Variants in SCAMP4 observed in about 807,000 individuals in gnomAD.
The protein encoded by SCAMP4 is secretory carrier membrane protein 4, also known as secretory carrier-associated membrane protein 4.
SCAMP4 carries 19 observed loss-of-function variants against 32.1 expected under a neutral mutation model. The observed-to-expected ratio is 0.59, with a 90% CI of 0.41 to 0.87. The LOEUF (loss-of-function observed/expected upper bound fraction) is 0.87. Among genes scored for constraint, SCAMP4 ranks in the 40% least tolerant of loss-of-function variants. SCAMP4 has a pLI of 0.00. For synonymous variants in SCAMP4, 152 were observed against 132.7 expected, an observed-to-expected ratio of 1.15 and a Z score of -1.00; for missense variants, 302 against 309.0, an observed-to-expected ratio of 0.98 and a Z score of 0.17.
chr19:1,917,911 G>T, intron 3 of SCAMP4, 89 bp downstream of exon 3: 1 of 1,550,794 alleles, frequency 6.4e-7, no homozygotes, highest in Non-Finnish European at 8.8e-7. Context: ...AGCCCGTCGG[G>T]GGCCCACCGT....
chr19:1,921,825 A>C, intron 5 of SCAMP4: 1 of 985,214 alleles, frequency 1.0e-6, no homozygotes. Flanking sequence ...CCAGAAAAAA[A>C]AAAAGAGGAA....
Position 1,908,432 on chromosome 19 carries a change from A to G in SCAMP4, c.-42+2993A>G, listed in dbSNP as rs1432379944. ...GTGGACCAGGCAGTGCATGTCGAGG[A>G]GTAGCACCCACAGCTGCGCGGCTGC... is the stretch of plus-strand genomic sequence containing the variant. On this transcript the variant is annotated intron_variant, in intron 1 of 6. Transcript: ENST00000316097. The surrounding 1 kb of genome is among the most constrained non-coding windows in gnomAD (Gnocchi z 4.2). 2 of 466,250 alleles carry G rather than the reference A, an allele frequency of 4.3e-6. No homozygotes were observed. Among genetic ancestry groups the G allele is most frequent in the African/African-American group, 2.0e-5 (1 of 49,968 alleles). 28.9% of individuals were successfully genotyped at this position (466,250 alleles called of 1,614,324 possible). A position where few individuals can be genotyped will look rare whatever the true frequency, so the allele number is the denominator to read the frequency against.
chr19:1,912,255 C>G (rs982080035), intron 1 of SCAMP4: 1 of 1,597,036 alleles, frequency 6.3e-7, no homozygotes, highest in Non-Finnish European at 8.5e-7. Context: ...CCTGGACAAG[C>G]GCCAGACCTC....
chr19:1,923,976 T>C (rs1421134798), intron 6 of SCAMP4, 132 bp from the exon 7 acceptor site: 5 of 269,488 alleles, frequency 1.9e-5, no homozygotes, highest in African/African-American at 7.8e-5. Flanking sequence ...TTTGGACTGG[T>C]CTCGAACTCC....
intron 1 of SCAMP4, 34 bp from the exon 2 acceptor site, chr19:1,914,945 C>T (rs1312295931): frequency 6.3e-7 from 1 of 1,596,998 alleles, no homozygotes; most frequent in South Asian, 1.1e-5. Flanking sequence ...CAGGGCAGCT[C>T]AGGGTTCCCT....
chr19:1,914,930 C>T (rs754996077), intron 1 of SCAMP4, 49 bp from the exon 2 acceptor site: 1 of 1,523,752 alleles, frequency 6.6e-7, no homozygotes, highest in Non-Finnish European at 9.1e-7. Flanking sequence ...GGTTAGCGCT[C>T]TGCCCAGGGC....
intron 1 of SCAMP4, chr19:1,913,299 C>G (rs777566076): frequency 5.9e-5 from 73 of 1,229,056 alleles, no homozygotes; most frequent in Non-Finnish European, 8.1e-5. Context: ...GTGCTGCCTT[C>G]CGTGCGGATC....
intron 2 of SCAMP4, among the ~76,000 whole-genome samples, chr19:1,916,539 G>A (rs1286607656): frequency 6.6e-6 from 1 of 152,128 alleles, no homozygotes; most frequent in Non-Finnish European, 1.5e-5. Flanking sequence ...GCTCACTGCA[G>A]CTTTAACTTC....
intron 1 of SCAMP4, among the ~76,000 whole-genome samples, chr19:1,907,567 C>G (rs1172338458): frequency 6.6e-6 from 1 of 152,112 alleles, no homozygotes; most frequent in Non-Finnish European, 1.5e-5. Flanking sequence ...TACCCAGGTC[C>G]CGGCGCGGAC....
Position 1,924,627 on chromosome 19 carries a change from A to G in SCAMP4, c.*343A>G. The G allele has an allele frequency of 3.3e-6, 1 of 303,024 alleles. No homozygotes were observed. The highest frequency in any genetic ancestry group is 6.6e-6 in the Non-Finnish European group (1 of 152,576). The allele number at this position is 303,024 out of a possible 1,614,324, so 18.8% of individuals were successfully genotyped here. ...GGCCTGACTCCGGGGGACAGGTGGC[A>G]GCAGGTCGGCCGCCCTCCCGTCCTC... On this transcript the variant is annotated 3_prime_UTR_variant, in exon 7 of 7. Transcript: ENST00000316097.
At position 1,914,996 on chromosome 19, in the gene SCAMP4, C is replaced by T. The variant is rs753868191; in HGVS notation, c.-24C>T. 1.2e-6 allele frequency: 2 copies of T among 1,613,836 alleles called. No individual in the cohort carries two copies. Among genetic ancestry groups the T allele is most frequent in the South Asian group, 1.1e-5 (1 of 91,086 alleles). Reference sequence around the variant, plus strand: ...CCTTCCAGGCGGCTGCAGGCTTCAGCCTGCGCTGGTTGGTGAAACAGAGAT... The same window carrying T: ...CCTTCCAGGCGGCTGCAGGCTTCAGTCTGCGCTGGTTGGTGAAACAGAGAT... On this transcript the variant is annotated 5_prime_UTR_variant, in exon 2 of 7. Coordinates refer to ENST00000316097, the MANE Select transcript of SCAMP4 (RefSeq NM_079834.4).
Position 1,913,051 on chromosome 19 carries a change from C to G in SCAMP4, c.-41-1928C>G, listed in dbSNP as rs778784642. 240 of 1,603,262 alleles carry G rather than the reference C, an allele frequency of 1.5e-4. No individual in the cohort carries two copies. The highest frequency in any genetic ancestry group is 2.0e-4 in the Non-Finnish European group (233 of 1,179,056). ...CCCTCGCCCGACGGCGCCCTGGGCA[C>G]CCGCTTCCGCATCCACGCACGGCCC... On this transcript the variant is annotated intron_variant, in intron 1 of 6. Transcript: ENST00000316097.
At chr19:1,910,428 G>A (rs1382656550) in intron 1 of SCAMP4, among the ~76,000 whole-genome samples, 1 of 152,216 alleles carries the variant, frequency 6.6e-6, no homozygotes, top group Non-Finnish European at 1.5e-5. Context: ...TGCCTGGGTT[G>A]CTGTGTGTGT....
intron 1 of SCAMP4, chr19:1,913,148 G>T: frequency 1.3e-6 from 2 of 1,543,902 alleles, no homozygotes; most frequent in East Asian, 2.4e-5. Context: ...ACCCCGACAC[G>T]TAGGCGCCGC....
rs1001682483 is a variant in SCAMP4, at chr19:1,908,017, C to G, written c.-42+2578C>G. 2.5e-5 allele frequency: 4 copies of G among 158,056 alleles called. No individual in the cohort carries two copies. The highest frequency in any genetic ancestry group is 7.2e-5 in the African/African-American group (3 of 41,448). 9.8% of individuals were successfully genotyped at this position (158,056 alleles called of 1,614,324 possible). Reference sequence around the variant, plus strand: ...CCCGGCAGCTGCCTCCTCTCTGGGTCGTTTGTTTTTCATCAGACAGAGGTT... The same window carrying G: ...CCCGGCAGCTGCCTCCTCTCTGGGTGGTTTGTTTTTCATCAGACAGAGGTT... On this transcript the variant is annotated intron_variant, in intron 1 of 6. Coordinates refer to ENST00000316097, the MANE Select transcript of SCAMP4 (RefSeq NM_079834.4). This position sits in a 1 kb window ranked among gnomAD's most constrained non-coding sequence, Gnocchi z 4.2.
intron 1 of SCAMP4, among the ~76,000 whole-genome samples, chr19:1,909,352 C>T (rs1011947403): frequency 6.6e-6 from 1 of 152,200 alleles, no homozygotes; most frequent in Admixed American, 6.5e-5. Context: ...GCTGTCTGCC[C>T]GCCTAGGGCA....
chr19:1,911,862 A>T, intron 1 of SCAMP4: 1 of 564,706 alleles, frequency 1.8e-6, no homozygotes, highest in Non-Finnish European at 2.7e-6. Flanking sequence ...TTAAAAACCA[A>T]TGGCTGTTTA....
At position 1,925,492 on chromosome 19, in the gene SCAMP4, C is replaced by T. The variant is rs1296003106; in HGVS notation, c.*1208C>T. 6.5e-6 allele frequency: 1 copy of T among 152,956 alleles called. No individual in the cohort carries two copies. The highest frequency in any genetic ancestry group is 1.5e-5 in the Non-Finnish European group (1 of 68,176). The allele number at this position is 152,956 out of a possible 1,614,324, so 9.5% of individuals were successfully genotyped here. ...ATTGTCTTGTCCCCTCACCCCCCAA[C>T]TCCCCCTGGAACACCTCTCCCAGGC... is the stretch of plus-strand genomic sequence containing the variant. On this transcript the variant is annotated 3_prime_UTR_variant, in exon 7 of 7. Coordinates refer to ENST00000316097, the MANE Select transcript of SCAMP4 (RefSeq NM_079834.4).
intron 5 of SCAMP4, chr19:1,921,567 C>T (rs1599256111): frequency 2.6e-5 from 26 of 985,316 alleles, no homozygotes; most frequent in East Asian, 1.1e-4. Flanking sequence ...CACTTGCATG[C>T]GGGGGCGTGC....
Sources: gnomAD v4.1 joint callset for allele counts (sites outside exome capture counted in the v4.1 genomes callset) on GRCh38, gnomAD v4.1.1 for gene constraint, Gnocchi (gnomAD v3.1) non-coding constraint, MANE v1.5 for transcripts, NCBI Gene and HGNC (gene_info 2026-07-23, HGNC 2026-07-21) for gene names.